ADAM22: variants seen among roughly 807,000 people sequenced by gnomAD.
The protein encoded by ADAM22 is disintegrin and metalloproteinase domain-containing protein 22.
ADAM22 carries 65 observed loss-of-function variants against 144.6 expected under a neutral mutation model. The ratio of observed to expected loss-of-function variants is 0.45; its 90% CI spans 0.37 to 0.55. ADAM22 has a LOEUF of 0.55. Ranked by LOEUF, ADAM22 falls within the 20% of genes least tolerant of loss-of-function variation. ADAM22 has a pLI of 0.00. For missense variants in ADAM22, 974 were observed against 1,184.9 expected (o/e 0.82, Z 2.61); for synonymous variants, 391 against 412.6 (o/e 0.95, Z 0.63).
At chr7:88,158,150 C>A (rs533985317) in intron 22 of ADAM22, among the ~76,000 whole-genome samples, 29 of 152,184 alleles carry the variant, frequency 1.9e-4, no homozygotes, top group Non-Finnish European at 3.7e-4. Context: ...TACAGAAAGA[C>A]AAAGAAGGGC....
intron 2 of ADAM22, among the ~76,000 whole-genome samples, chr7:87,945,389 C>T (rs562658682): frequency 1.3e-5 from 2 of 152,212 alleles, no homozygotes; most frequent in East Asian, 3.9e-4. Flanking sequence ...GTTAGGAATG[C>T]TTTCATGTGC....
intron 3 of ADAM22, among the ~76,000 whole-genome samples, chr7:88,050,413 G>A (rs1236875321): frequency 1.4e-5 from 2 of 145,074 alleles, no homozygotes; most frequent in Non-Finnish European, 3.0e-5. Flanking sequence ...AACAAAAAAA[G>A]GAATTAAAAG....
intron 3 of ADAM22, among the ~76,000 whole-genome samples, chr7:88,045,020 C>G (rs1039269178): frequency 6.6e-6 from 1 of 150,418 alleles, no homozygotes. Context: ...CCACTGCACC[C>G]GGCCTTTTTT....
intron 3 of ADAM22, among the ~76,000 whole-genome samples, chr7:88,055,153 C>T (rs2129475500): frequency 6.6e-6 from 1 of 151,960 alleles, no homozygotes; most frequent in Non-Finnish European, 1.5e-5. Context: ...CCTTCTTGCT[C>T]AACTATCCTT....
chr7:88,037,342 C>T (rs1358490012), intron 3 of ADAM22, among the ~76,000 whole-genome samples: 1 of 151,982 alleles, frequency 6.6e-6, no homozygotes, highest in Non-Finnish European at 1.5e-5. Context: ...AATTTTAATT[C>T]TTATTCTTCA....
At chr7:88,191,632 C>A (rs1849648263) in intron 30 of ADAM22, among the ~76,000 whole-genome samples, 1 of 151,970 alleles carries the variant, frequency 6.6e-6, no homozygotes, top group Non-Finnish European at 1.5e-5. Context: ...AAAATAATTT[C>A]TTAATTAAAA....
At chr7:88,084,388 G>T (rs532844649) in intron 4 of ADAM22, among the ~76,000 whole-genome samples, 1 of 152,154 alleles carries the variant, frequency 6.6e-6, no homozygotes, top group Non-Finnish European at 1.5e-5. Context: ...CCAGACTGAA[G>T]GGCCAGTGGT....
In ADAM22 at chr7:88,149,017, A is replaced by T. The variant is rs1563329048; in HGVS notation, c.1526A>T (p.Asp509Val). ...MGTVCREAVN[D>V]CDIRETCSGN... ...ACTGTGTGCCGAGAAGCAGTAAATG[A>T]TTGTGATATTCGTGAAACGTGCTCA... is the stretch of plus-strand genomic sequence containing the variant. The change falls in exon 18 of 32, where the codon GAT (aspartate) becomes GTT (valine). Residue 509 changes from aspartate to valine, a missense_variant. This residue lies in a region of ADAM22 where 734 missense variants were observed against 950.6 expected (regional missense o/e 0.77). Transcript: ENST00000413139. 6.2e-7 allele frequency: 1 copy of T among 1,612,568 alleles called. No homozygotes were observed. The highest frequency in any genetic ancestry group is 1.1e-5 in the South Asian group (1 of 90,994).
At chr7:88,003,653 G>A (rs1053879555) in intron 3 of ADAM22, among the ~76,000 whole-genome samples, 7 of 152,152 alleles carry the variant, frequency 4.6e-5, no homozygotes, top group Non-Finnish European at 1.0e-4. Flanking sequence ...ATGGAGGGCA[G>A]GGAATCTTGT....
Position 88,130,025 on chromosome 7 carries a change from CT to C in ADAM22, c.754-362del, listed in dbSNP as rs936052708. Among the ~76,000 whole-genome samples the C allele has an allele frequency of 5.2e-4, 79 of 152,160 alleles. 1 individual carries two copies. The highest frequency in any genetic ancestry group is 1.8e-3 in the African/African-American group (75 of 41,550). ...CACATCCACTTTACTGTCTATACCC[CT>C]ACTTAGATTTGTATGTCTTGCAATT... On this transcript the variant is annotated intron_variant, in intron 9 of 31. Coordinates refer to ENST00000413139, the MANE Select transcript of ADAM22 (RefSeq NM_001324418.2).
chr7:88,039,464 A>ATATATATATAT (rs1554420478), intron 3 of ADAM22, among the ~76,000 whole-genome samples: 3 of 76,374 alleles, frequency 3.9e-5, no homozygotes, highest in East Asian at 5.3e-4. Context: ...AAAAAAAAAA[A>ATATATATATAT]ATATATATAT....
intron 22 of ADAM22, among the ~76,000 whole-genome samples, chr7:88,161,768 C>T (rs1303078672): frequency 6.6e-6 from 1 of 152,092 alleles, no homozygotes; most frequent in Non-Finnish European, 1.5e-5. Context: ...GATACCATCT[C>T]ACACCAGTCA....
chr7:87,972,647 C>G (rs111804855), intron 2 of ADAM22, among the ~76,000 whole-genome samples: 86,112 of 151,524 alleles, frequency 0.57, 25,056 homozygotes, highest in African/African-American at 0.68. Flanking sequence ...GCCAAAAGAA[C>G]AAAGCCAGAG....
chr7:87,957,410 T>C (rs576695797), intron 2 of ADAM22, among the ~76,000 whole-genome samples: 1 of 152,302 alleles, frequency 6.6e-6, no homozygotes, highest in South Asian at 2.1e-4. Flanking sequence ...TGGACACCCT[T>C]GTACATACCA....
intron 4 of ADAM22, among the ~76,000 whole-genome samples, chr7:88,082,744 C>T (rs540046390): frequency 3.5e-4 from 53 of 152,122 alleles, no homozygotes; most frequent in African/African-American, 9.9e-4. Context: ...AAAATGCTCA[C>T]CATCACTGGC....
chr7:88,033,461 G>A, intron 3 of ADAM22, among the ~76,000 whole-genome samples: 1 of 152,234 alleles, frequency 6.6e-6, no homozygotes, highest in Admixed American at 6.5e-5. Context: ...CACCCATGTG[G>A]CCACCATCAC....
At chr7:88,051,539 C>T (rs1385122540) in intron 3 of ADAM22, among the ~76,000 whole-genome samples, 8 of 138,184 alleles carry the variant, frequency 5.8e-5, no homozygotes, top group Admixed American at 2.9e-4. Context: ...CACCACACAC[C>T]GGGGCCTGTT....
At chr7:88,062,406 A>G (rs969441643) in intron 3 of ADAM22, among the ~76,000 whole-genome samples, 1 of 152,190 alleles carries the variant, frequency 6.6e-6, no homozygotes, top group Admixed American at 6.5e-5. Context: ...GCTAGCTTCA[A>G]ACATTTCTTC....
In ADAM22 at chr7:88,114,587, G is replaced by A; in HGVS notation, c.477G>A (p.Gly159=). ...ATTATTTTTTTGTCGTTGGCAGTGG[G>A]ATGTTCTATGACGGGAACCACACAT... ...VALSTCHGLH[G]MFYDGNHTYL... The change falls in exon 6 of 32, where the codon GGG becomes GGA. Residue 159 remains glycine, a synonymous_variant. Coordinates refer to ENST00000413139, the MANE Select transcript of ADAM22 (RefSeq NM_001324418.2). The A allele has an allele frequency of 6.2e-7, 1 of 1,613,918 alleles. No homozygotes were observed. Among genetic ancestry groups the A allele is most frequent in the South Asian group, 1.1e-5 (1 of 91,072 alleles).
Sources: allele counts gnomAD v4.1 joint callset (sites outside exome capture counted in the v4.1 genomes callset), GRCh38; gene constraint gnomAD v4.1.1; regional missense constraint gnomAD v4.1.1; transcripts MANE v1.5; gene names NCBI Gene and HGNC (gene_info 2026-07-23, HGNC 2026-07-21).